The following C16orf95 variants were observed in gnomAD, a reference collection of about 807,000 sequenced individuals.
C16orf95 encodes the protein uncharacterized protein C16orf95.
Under a neutral mutation model 32.1 loss-of-function variants are expected in C16orf95, and 41 were observed. The observed-to-expected ratio is 1.28, with a 90% CI of 1.00 to 1.66. The LOEUF (loss-of-function observed/expected upper bound fraction) is 1.66. Ranked by LOEUF, C16orf95 falls within the 40% of genes most tolerant of loss-of-function variation. The probability of loss-of-function intolerance (pLI) is 0.00; values close to 1 mark genes in which losing one functional copy is unlikely to be tolerated. For missense variants in C16orf95, 399 were observed against 325.9 expected, an observed-to-expected ratio of 1.22 and a Z score of -1.73; for synonymous variants, 147 against 128.9, an observed-to-expected ratio of 1.14 and a Z score of -0.95.
intron 5 of C16orf95, among the ~76,000 whole-genome samples, chr16:87,306,379 C>G (rs1911031582): frequency 6.6e-6 from 1 of 152,100 alleles, no homozygotes; most frequent in African/African-American, 2.4e-5. Context: ...GTTTCCATTT[C>G]CTTGATGCTC....
At position 87,302,922 on chromosome 16, in the gene C16orf95, G is replaced by A; in HGVS notation, c.*135C>T. ...AATCACCTGATGAGAAATCATTTGGGTTGAATCCTGGGTGTGGATTCTGTT... is the reference window on the plus strand; with the variant it reads ...AATCACCTGATGAGAAATCATTTGGATTGAATCCTGGGTGTGGATTCTGTT... On this transcript the variant is annotated 3_prime_UTR_variant, in exon 7 of 7. Coordinates refer to ENST00000567970, the MANE Select transcript of C16orf95 (RefSeq NM_001195124.3). 1.1e-6 allele frequency: 1 copy of A among 905,810 alleles called. No homozygotes were observed. Among genetic ancestry groups the A allele is most frequent in the Non-Finnish European group, 1.7e-6 (1 of 576,696 alleles). 56.1% of individuals were successfully genotyped at this position (905,810 alleles called of 1,614,324 possible).
chr16:87,310,249 C>G, intron 5 of C16orf95, 48 bp downstream of exon 5: 4 of 1,530,794 alleles, frequency 2.6e-6, no homozygotes, highest in Non-Finnish European at 3.5e-6. Context: ...ACGAACCCCA[C>G]CTTTCTGGGG....
In C16orf95 at chr16:87,315,777, G is replaced by A. The variant is rs1904317992; in HGVS notation, c.199C>T (p.His67Tyr). 6.5e-7 allele frequency: 1 copy of A among 1,530,142 alleles called. No homozygotes were observed. The highest frequency in any genetic ancestry group is 1.4e-5 in the African/African-American group (1 of 72,760). 94.8% of individuals were successfully genotyped at this position (1,530,142 alleles called of 1,614,324 possible). ...TYKKEVCLPRHSMHPGPWAIC... is the reference protein window; with the variant it reads ...TYKKEVCLPRYSMHPGPWAIC... Reference sequence around the variant, plus strand: ...TGAGGATTTGCTTTCCTTACCGAATGACGGGGGAGGCACACTTCTTTCTTG... The same window carrying A: ...TGAGGATTTGCTTTCCTTACCGAATAACGGGGGAGGCACACTTCTTTCTTG... Residue 67 changes from histidine to tyrosine, a missense_variant, in exon 2 of 7, where the codon CAT becomes TAT. His to Tyr is a moderately conservative substitution (Grantham distance 83). Coordinates refer to ENST00000567970, the MANE Select transcript of C16orf95 (RefSeq NM_001195124.3).
At position 87,305,592 on chromosome 16, in the gene C16orf95, C is replaced by T; in HGVS notation, c.701+127G>A. ...CACAGGACACACTCACAGTGCCGGG[C>T]CTTGGACGCCTGTCAAGTTAAGCCC... On this transcript the variant is annotated intron_variant, in intron 6 of 6. Transcript: ENST00000567970. The surrounding 1 kb of genome is among the most constrained non-coding windows in gnomAD (Gnocchi z 4.2). 1.3e-6 allele frequency: 1 copy of T among 771,358 alleles called. No individual in the cohort carries two copies. The allele number at this position is 771,358 out of a possible 1,614,324, so 47.8% of individuals were successfully genotyped here.
intron 2 of C16orf95, 97 bp downstream of exon 2, chr16:87,315,675 C>T (rs1904315792): frequency 1.1e-6 from 1 of 951,774 alleles, no homozygotes; most frequent in African/African-American, 1.7e-5. Context: ...AGGATTCTCT[C>T]ATGGGATGCA....
At position 87,315,765 on chromosome 16, in the gene C16orf95, T is replaced by C; in HGVS notation, c.204+7A>G. The C allele has an allele frequency of 6.5e-7, 1 of 1,528,534 alleles. No individual in the cohort carries two copies. The highest frequency in any genetic ancestry group is 8.7e-7 in the Non-Finnish European group (1 of 1,142,872). 94.7% of individuals were successfully genotyped at this position (1,528,534 alleles called of 1,614,324 possible). ...AGGGCCAGTGGCTGAGGATTTGCTT[T>C]CCTTACCGAATGACGGGGGAGGCAC... On this transcript the variant is annotated splice_region_variant and intron_variant, in intron 2 of 6. Transcript: ENST00000567970.
At chr16:87,311,695 T>C (rs146500714) in intron 3 of C16orf95, among the ~76,000 whole-genome samples, 53 of 152,352 alleles carry the variant, frequency 3.5e-4, no homozygotes, top group Middle Eastern at 6.8e-3. Context: ...AGGGCTCTGC[T>C]GGCATCTTAA....
At position 87,305,708 on chromosome 16, in the gene C16orf95, C is replaced by T; in HGVS notation, c.701+11G>A. ...GGGCCACCCACTGTCCCCCATCCCC[C>T]ACCTGCTCACCGAATGGCCATGATG... On this transcript the variant is annotated intron_variant, in intron 6 of 6. Coordinates refer to ENST00000567970, the MANE Select transcript of C16orf95 (RefSeq NM_001195124.3). This position sits in a 1 kb window ranked among gnomAD's most constrained non-coding sequence, Gnocchi z 4.2. The T allele has an allele frequency of 1.3e-6, 2 of 1,493,350 alleles. No homozygotes were observed. Among genetic ancestry groups the T allele is most frequent in the Non-Finnish European group, 1.8e-6 (2 of 1,127,042 alleles). 92.5% of individuals were successfully genotyped at this position (1,493,350 alleles called of 1,614,324 possible).
rs1253848948 is a variant in C16orf95 at position 87,310,310 on chromosome 16, C to T, written c.501G>A (p.Leu167=). The change falls in exon 5 of 7, where the codon TTG becomes TTA. Residue 167 remains leucine (L), a synonymous_variant. Coordinates refer to ENST00000567970, the MANE Select transcript of C16orf95 (RefSeq NM_001195124.3). ...QQQIVRRQQS[L]KGIQAPLLDA... is the part of the protein sequence containing the mutation. Reference sequence around the variant, plus strand: ...CACTGGAGTTACCTTGGATGCCTTTCAAACTCTGCTGCCTCCTGACTATCT... The same window carrying T: ...CACTGGAGTTACCTTGGATGCCTTTTAAACTCTGCTGCCTCCTGACTATCT... The T allele has an allele frequency of 6.5e-7, 1 of 1,536,036 alleles. No homozygotes were observed. Among genetic ancestry groups the T allele is most frequent in the Non-Finnish European group, 8.7e-7 (1 of 1,146,930 alleles).
intron 3 of C16orf95, among the ~76,000 whole-genome samples, chr16:87,313,673 G>A (rs1360625659): frequency 6.6e-6 from 1 of 152,106 alleles, no homozygotes; most frequent in African/African-American, 2.4e-5. Context: ...GTTCAAGTTT[G>A]TAGTGAGCCA....
At position 87,305,650 on chromosome 16, in the gene C16orf95, C is replaced by T. The variant is rs1394352556; in HGVS notation, c.701+69G>A. 1 of 1,383,102 alleles carries T rather than the reference C, an allele frequency of 7.2e-7. No homozygotes were observed. Among genetic ancestry groups the T allele is most frequent in the Admixed American group, 2.7e-5 (1 of 36,378 alleles). 85.7% of individuals were successfully genotyped at this position (1,383,102 alleles called of 1,614,324 possible). On this transcript the variant is annotated intron_variant, in intron 6 of 6. Transcript: ENST00000567970. The surrounding 1 kb of genome is among the most constrained non-coding windows in gnomAD (Gnocchi z 4.2). ...CACTCTTCCACATCCCTGATGGCCA[C>T]CAAGCCTCCCTCAGGTGGACGTCAC... is the stretch of plus-strand genomic sequence containing the variant.
Position 87,314,959 on chromosome 16 carries a change from C to G in C16orf95, c.330+12G>C. The G allele has an allele frequency of 6.5e-7, 1 of 1,535,302 alleles. No homozygotes were observed. The highest frequency in any genetic ancestry group is 8.7e-7 in the Non-Finnish European group (1 of 1,146,476). ...GACCCTAGGGGAAGACCTCCTGGTT[C>G]AAGTCACCTACCTGCTTTCGGGGTC... is the stretch of plus-strand genomic sequence containing the variant. On this transcript the variant is annotated intron_variant, in intron 3 of 6. Transcript: ENST00000567970.
chr16:87,306,364 C>T (rs746281459), intron 5 of C16orf95, among the ~76,000 whole-genome samples: 12 of 152,118 alleles, frequency 7.9e-5, no homozygotes, highest in Admixed American at 2.6e-4. Flanking sequence ...GGATGGAATT[C>T]CAACGTTTCC....
chr16:87,310,275 GAC>G lies in C16orf95; in HGVS notation c.514+20_514+21del, dbSNP rs774986819. 12 of 1,534,304 alleles carry G rather than the reference GAC, an allele frequency of 7.8e-6. No homozygotes were observed. Among genetic ancestry groups the G allele is most frequent in the Non-Finnish European group, 1.0e-5 (12 of 1,145,310 alleles). On this transcript the variant is annotated intron_variant, in intron 5 of 6. Coordinates refer to ENST00000567970, the MANE Select transcript of C16orf95 (RefSeq NM_001195124.3). ...CTTTCTGGGGAGGGGGATGATATGA[GAC>G]ACACACACACTGGAGTTACCTTGGA...
intron 6 of C16orf95, 155 bp from the exon 7 acceptor site, chr16:87,303,230 G>C: frequency 1.4e-6 from 1 of 734,342 alleles, no homozygotes; most frequent in East Asian, 2.7e-5. Flanking sequence ...GGGGTGCAGG[G>C]ATGAGGGGTG....
At chr16:87,316,781 C>G (rs371549140) in intron 1 of C16orf95, among the ~76,000 whole-genome samples, 9 of 152,286 alleles carry the variant, frequency 5.9e-5, no homozygotes, top group African/African-American at 2.2e-4. Context: ...ATGTAAACCT[C>G]AGGAGGTCCT....
At chr16:87,315,718 C>T (rs1904316497) in intron 2 of C16orf95, 54 bp downstream of exon 2, 5 of 1,377,154 alleles carry the variant, frequency 3.6e-6, no homozygotes, top group African/African-American at 2.9e-5. Context: ...CTCTCCTCAC[C>T]CCACAGGGAT....
At chr16:87,306,511 G>A (rs933804565) in intron 5 of C16orf95, among the ~76,000 whole-genome samples, 1 of 151,924 alleles carries the variant, frequency 6.6e-6, no homozygotes, top group African/African-American at 2.4e-5. Flanking sequence ...TTATATTAAT[G>A]TAAATATCAT....
chr16:87,305,583 A>C lies in C16orf95; in HGVS notation c.701+136T>G, dbSNP rs908435160. The C allele has an allele frequency of 2.9e-6, 2 of 687,584 alleles. No homozygotes were observed. The highest frequency in any genetic ancestry group is 3.5e-5 in the Admixed American group (1 of 28,854). The allele number at this position is 687,584 out of a possible 1,614,324, so 42.6% of individuals were successfully genotyped here. A position where few individuals can be genotyped will look rare whatever the true frequency, so the allele number is the denominator to read the frequency against. ...GCAGAGCACCACAGGACACACTCACAGTGCCGGGCCTTGGACGCCTGTCAA... is the reference window on the plus strand; with the variant it reads ...GCAGAGCACCACAGGACACACTCACCGTGCCGGGCCTTGGACGCCTGTCAA... On this transcript the variant is annotated intron_variant, in intron 6 of 6. Coordinates refer to ENST00000567970, the MANE Select transcript of C16orf95 (RefSeq NM_001195124.3). The surrounding 1 kb of genome is among the most constrained non-coding windows in gnomAD (Gnocchi z 4.2).
Sources: gnomAD v4.1 joint callset for allele counts (sites outside exome capture counted in the v4.1 genomes callset) on GRCh38, gnomAD v4.1.1 for gene constraint, Gnocchi (gnomAD v3.1) non-coding constraint, MANE v1.5 for transcripts, NCBI Gene and HGNC (gene_info 2026-07-23, HGNC 2026-07-21) for gene names.